DGKH: variants seen among roughly 807,000 people sequenced by gnomAD.
DGKH encodes the protein DAG kinase eta.
DGKH carries 90 observed loss-of-function variants against 159.3 expected under a neutral mutation model. The observed-to-expected ratio is 0.57, with a 90% CI of 0.48 to 0.67. The LOEUF is 0.67. Among genes scored for constraint, DGKH ranks in the 30% least tolerant of loss-of-function variants. The pLI is 0.00. For missense variants in DGKH, 1,181 were observed against 1,506.1 expected, an observed-to-expected ratio of 0.78 and a Z score of 3.57; for synonymous variants, 536 against 553.8, an observed-to-expected ratio of 0.97 and a Z score of 0.45.
intron 20 of DGKH, among the ~76,000 whole-genome samples, chr13:42,201,355 C>T (rs1170100): frequency 0.77 from 116,829 of 152,020 alleles, 44,946 homozygotes; most frequent in Admixed American, 0.83. Context: ...TTTAGCTCAG[C>T]ACTGGTCCTA....
intron 1 of DGKH, among the ~76,000 whole-genome samples, chr13:42,111,408 C>T (rs760473055): frequency 2.0e-5 from 3 of 152,074 alleles, no homozygotes; most frequent in Non-Finnish European, 4.4e-5. Context: ...GGTGAAACCC[C>T]GTTTCTACTA....
chr13:42,256,121 C>A, intron 30 of DGKH: 1 of 1,183,514 alleles, frequency 8.4e-7, no homozygotes. Flanking sequence ...CAAGGTGAAC[C>A]CTACTCAGTG....
chr13:42,183,373 C>T (rs1044486720), intron 13 of DGKH, among the ~76,000 whole-genome samples: 1 of 151,944 alleles, frequency 6.6e-6, no homozygotes, highest in African/African-American at 2.4e-5. Flanking sequence ...CAGTAAAGCA[C>T]CTAAATCACA....
intron 24 of DGKH, among the ~76,000 whole-genome samples, chr13:42,211,710 A>G (rs1957661686): frequency 6.6e-6 from 1 of 151,922 alleles, no homozygotes. Flanking sequence ...AAAAAAGAAG[A>G]AAAAAAAGAG....
At chr13:42,254,860 C>T (rs375292478) in intron 30 of DGKH, among the ~76,000 whole-genome samples, 1 of 151,930 alleles carries the variant, frequency 6.6e-6, no homozygotes, top group Non-Finnish European at 1.5e-5. Context: ...AGATCATTTT[C>T]AAATGATTTT....
chr13:42,166,764 T>G, intron 9 of DGKH, 90 bp downstream of exon 9: 1 of 1,139,556 alleles, frequency 8.8e-7, no homozygotes, highest in Non-Finnish European at 1.2e-6. Context: ...AATTACAGAT[T>G]CCTCTAGATC....
chr13:42,244,848 G>A (rs1277697295), downstream of DGKH, among the ~76,000 whole-genome samples: 1 of 137,694 alleles, frequency 7.3e-6, no homozygotes, highest in Non-Finnish European at 1.5e-5. Flanking sequence ...AGCTTGCAGT[G>A]AGCCGAGATC....
At chr13:42,185,205 G>A (rs368665197) in intron 13 of DGKH, among the ~76,000 whole-genome samples, 3 of 152,056 alleles carry the variant, frequency 2.0e-5, no homozygotes, top group African/African-American at 7.2e-5. Flanking sequence ...ATAATAAAAG[G>A]TTACTTCATT....
intron 3 of DGKH, among the ~76,000 whole-genome samples, chr13:42,149,244 A>T (rs1955817473): frequency 1.3e-5 from 2 of 151,896 alleles, no homozygotes. Context: ...CTCCCTTCTT[A>T]TTTGAGTATC....
downstream of DGKH, among the ~76,000 whole-genome samples, chr13:42,247,080 C>T (rs1958586239): frequency 6.6e-6 from 1 of 152,242 alleles, no homozygotes; most frequent in South Asian, 2.1e-4. Context: ...ACATTACTCT[C>T]ATGTTTGTGG....
intron 23 of DGKH, 133 bp downstream of exon 23, chr13:42,209,598 A>ATT: frequency 9.3e-7 from 1 of 1,073,414 alleles, no homozygotes; most frequent in Non-Finnish European, 1.3e-6. Context: ...GGTTTGAAAT[A>ATT]TGAACAAATA....
chr13:42,136,043 T>C (rs1187495306), intron 3 of DGKH, among the ~76,000 whole-genome samples: 1 of 152,170 alleles, frequency 6.6e-6, no homozygotes, highest in Non-Finnish European at 1.5e-5. Flanking sequence ...GACAAATGGG[T>C]TAACCTTTCT....
chr13:42,247,102 C>A (rs1018702575), downstream of DGKH, among the ~76,000 whole-genome samples: 3 of 152,116 alleles, frequency 2.0e-5, no homozygotes, highest in Admixed American at 2.0e-4. Flanking sequence ...GTAAACAAAC[C>A]TACTCTGCTG....
chr13:42,043,139 C>G (rs1422029663), intron 1 of DGKH, among the ~76,000 whole-genome samples: 2 of 152,020 alleles, frequency 1.3e-5, no homozygotes, highest in East Asian at 3.8e-4. Context: ...CTTTTTCCCT[C>G]AAACATGCAC....
chr13:42,121,832 GAGAGTCCTTCACTTGGA>G (rs1186044674), intron 1 of DGKH, among the ~76,000 whole-genome samples: 2 of 152,212 alleles, frequency 1.3e-5, no homozygotes, highest in Non-Finnish European at 2.9e-5. Context: ...CTGGGACACA[GAGAGTCCTTCACTTGGA>G]GCCTCATTAG....
chr13:42,217,119 A>AC (rs1957819862), intron 26 of DGKH, among the ~76,000 whole-genome samples: 2 of 152,208 alleles, frequency 1.3e-5, no homozygotes, highest in Admixed American at 6.5e-5. Flanking sequence ...TAAGGAATTG[A>AC]TTGTATTTGA....
In DGKH at chr13:42,225,257, G is replaced by A. The variant is rs779591311; in HGVS notation, c.3574-3842G>A. On this transcript the variant is annotated intron_variant, in intron 29 of 29. Transcript: ENST00000337343. ...TTTCCAATGTGCTTTAGCAGATAAGGAAACAAACTGATTGCATCATTTTCT... is the reference window on the plus strand; with the variant it reads ...TTTCCAATGTGCTTTAGCAGATAAGAAAACAAACTGATTGCATCATTTTCT... The A allele has an allele frequency of 3.2e-6, 5 of 1,583,372 alleles. No individual in the cohort carries two copies. The African/African-American group carries it at 5.4e-5, about 17-fold the overall frequency.
At position 42,048,714 on chromosome 13, in the gene DGKH, C is replaced by G; in HGVS notation, c.-60C>G. On this transcript the variant is annotated 5_prime_UTR_variant, in exon 1 of 30. Transcript: ENST00000337343. The surrounding 1 kb of genome is among the most constrained non-coding windows in gnomAD (Gnocchi z 6.7). ...GGGCTCCGCTCGGGCAGAGCCCACCCGCTGACCAACGCCGCCGCCCCCGCC... is the reference window on the plus strand; with the variant it reads ...GGGCTCCGCTCGGGCAGAGCCCACCGGCTGACCAACGCCGCCGCCCCCGCC... 8.1e-7 allele frequency: 1 copy of G among 1,236,254 alleles called. No homozygotes were observed. The highest frequency in any genetic ancestry group is 1.0e-6 in the Non-Finnish European group (1 of 984,348). The allele number at this position is 1,236,254 out of a possible 1,614,324, so 76.6% of individuals were successfully genotyped here. A position where few individuals can be genotyped will look rare whatever the true frequency, so the allele number is the denominator to read the frequency against.
At chr13:42,156,827 TAC>T (rs1956059769) in intron 5 of DGKH, among the ~76,000 whole-genome samples, 1 of 152,214 alleles carries the variant, frequency 6.6e-6, no homozygotes, top group Non-Finnish European at 1.5e-5. Flanking sequence ...TTTAATATGA[TAC>T]ACCATAGTGG....
Sources: allele counts gnomAD v4.1 joint callset (sites outside exome capture counted in the v4.1 genomes callset), GRCh38; gene constraint gnomAD v4.1.1; non-coding constraint Gnocchi (gnomAD v3.1); transcripts MANE v1.5; gene names NCBI Gene and HGNC (gene_info 2026-07-23, HGNC 2026-07-21).